Variants in CD200 observed in about 807,000 individuals in gnomAD.
CD200 encodes the protein OX-2 membrane glycoprotein.
In CD200, 15 loss-of-function variants were observed where a neutral mutation model predicts 30.9. The observed-to-expected ratio is 0.49, with a 90% confidence interval of 0.32 to 0.75. The LOEUF (loss-of-function observed/expected upper bound fraction) is 0.75, where lower values mean the gene tolerates loss of function less well. CD200 is among the 30% of genes least tolerant of loss of function. The pLI, the probability that CD200 is intolerant of heterozygous loss-of-function variation, is 0.03. For synonymous variants in CD200, 134 were observed against 126.2 expected, an observed-to-expected ratio of 1.06 and a Z score of -0.41; for missense variants, 262 against 324.2, an observed-to-expected ratio of 0.81 and a Z score of 1.47.
chr3:112,334,054 G>A (rs530136271), intron 1 of CD200: 21 of 985,352 alleles, frequency 2.1e-5, no homozygotes, highest in Admixed American at 6.1e-5. Flanking sequence ...TGATTTCACT[G>A]TCTTTCTTAA....
chr3:112,333,387 C>T lies in CD200; in HGVS notation c.12+163C>T, dbSNP rs988607380. On this transcript the variant is annotated intron_variant, in intron 1 of 5. Coordinates refer to ENST00000315711, the MANE Select transcript of CD200 (RefSeq NM_005944.7). ...TGATGGCAGCGCTTTTCTCTAAGCG[C>T]TTTCTCTTGCTGAGAAACGGATTTT... 9 of 985,314 alleles carry T rather than the reference C, an allele frequency of 9.1e-6. No homozygotes were observed. The East Asian group carries it at 4.5e-4, about 50-fold the overall frequency. The allele number at this position is 985,314 out of a possible 1,614,324, so 61.0% of individuals were successfully genotyped here.
chr3:112,342,384 T>C lies in CD200; in HGVS notation c.94+1401T>C, dbSNP rs1018778293. Among the ~76,000 whole-genome samples the C allele has an allele frequency of 4.6e-3, 245 of 52,712 alleles. 9 individuals are homozygous for C. Among genetic ancestry groups the C allele is most frequent in the East Asian group, 0.025 (37 of 1,494 alleles). 34.6% of individuals were successfully genotyped at this position (52,712 alleles called of 152,430 possible). ...TTCTTTCTTTCTTTCTTTCTTTCTTTCTTTCTTTCTTTCTTTCTTTCTTTC... is the reference window on the plus strand; with the variant it reads ...TTCTTTCTTTCTTTCTTTCTTTCTTCCTTTCTTTCTTTCTTTCTTTCTTTC... On this transcript the variant is annotated intron_variant, in intron 2 of 5. Transcript: ENST00000315711.
At chr3:112,357,411 A>G (rs1051657979) in intron 5 of CD200, among the ~76,000 whole-genome samples, 21 of 152,170 alleles carry the variant, frequency 1.4e-4, no homozygotes, top group Non-Finnish European at 2.5e-4. Context: ...ACCATAGCAA[A>G]TTTCAAGCTA....
intron 1 of CD200, among the ~76,000 whole-genome samples, chr3:112,335,425 A>G (rs1173166046): frequency 1.3e-5 from 2 of 152,236 alleles, no homozygotes; most frequent in South Asian, 2.1e-4. Flanking sequence ...GAATAATAAA[A>G]TATATCTGCA....
chr3:112,338,453 G>A (rs1361944282), intron 1 of CD200, among the ~76,000 whole-genome samples: 2 of 152,114 alleles, frequency 1.3e-5, no homozygotes, highest in South Asian at 4.1e-4. Context: ...AACTAATGTA[G>A]GAAATAGCTT....
intron 5 of CD200, among the ~76,000 whole-genome samples, chr3:112,354,691 C>A (rs944850749): frequency 6.6e-6 from 1 of 152,162 alleles, no homozygotes; most frequent in Non-Finnish European, 1.5e-5. Context: ...ACGCACTTAG[C>A]GGCTTAAAAC....
chr3:112,341,415 A>G (rs1173959205), intron 2 of CD200, among the ~76,000 whole-genome samples: 1 of 152,234 alleles, frequency 6.6e-6, no homozygotes, highest in East Asian at 1.9e-4. Context: ...TAGAAGTTAT[A>G]TAGGCTCATA....
rs1576626921 is a variant in CD200 at position 112,357,507 on chromosome 3, TA to T, written c.803-4034del. Reference sequence around the variant, plus strand: ...AGTTTGTAACAGATGTTCATTTTTGTAATTACTAAATCTAAGGTCCTTTTTC... The same window carrying T: ...AGTTTGTAACAGATGTTCATTTTTGTATTACTAAATCTAAGGTCCTTTTTC... On this transcript the variant is annotated intron_variant, in intron 5 of 5. Coordinates refer to ENST00000315711, the MANE Select transcript of CD200 (RefSeq NM_005944.7). Among the ~76,000 whole-genome samples, 3 of 152,322 alleles carry T rather than the reference TA, an allele frequency of 2.0e-5. No homozygotes were observed. In the East Asian group the frequency reaches 5.8e-4, roughly 29 times the overall value.
chr3:112,334,309 C>T, intron 1 of CD200: 1 of 963,284 alleles, frequency 1.0e-6, no homozygotes, highest in Non-Finnish European at 1.2e-6. Flanking sequence ...TCTGGTAAGA[C>T]CCAGGTTTTT....
intron 1 of CD200, chr3:112,336,045 G>T (rs769188756): frequency 7.1e-7 from 1 of 1,407,510 alleles, no homozygotes; most frequent in Non-Finnish European, 1.0e-6. Flanking sequence ...CCTATGAAGG[G>T]ACTTGGTTAG....
rs549416819 is a variant in CD200, at chr3:112,360,580, A to G, written c.803-963A>G. On this transcript the variant is annotated intron_variant, in intron 5 of 5. Coordinates refer to ENST00000315711, the MANE Select transcript of CD200 (RefSeq NM_005944.7). ...ATTCGTTTTTACTATTGAAATTGAA[A>G]AATATTGAGCCATGTTGGGAGAAGA... is the stretch of plus-strand genomic sequence containing the variant. Among the ~76,000 whole-genome samples, 3 of 152,292 alleles carry G rather than the reference A, an allele frequency of 2.0e-5. No individual in the cohort carries two copies. The East Asian group carries it at 5.8e-4, about 29-fold the overall frequency.
At chr3:112,336,773 G>A (rs1182706413) in intron 1 of CD200, among the ~76,000 whole-genome samples, 7 of 152,070 alleles carry the variant, frequency 4.6e-5, no homozygotes, top group Non-Finnish European at 1.0e-4. Context: ...AGGATTCAGT[G>A]GATATTGAGG....
intron 2 of CD200, among the ~76,000 whole-genome samples, chr3:112,342,031 CT>C (rs200725502): frequency 7.9e-5 from 12 of 151,318 alleles, no homozygotes; most frequent in South Asian, 6.3e-4. Context: ...ACTCAGCCTT[CT>C]TTTTTTTTCT....
At chr3:112,346,083 G>T (rs778404730) in intron 3 of CD200, among the ~76,000 whole-genome samples, 1 of 151,814 alleles carries the variant, frequency 6.6e-6, no homozygotes, top group South Asian at 2.1e-4. Flanking sequence ...GGAAGAAAAG[G>T]CTTAGTAGAT....
intron 4 of CD200, among the ~76,000 whole-genome samples, chr3:112,349,217 C>A (rs59981538): frequency 0.15 from 22,877 of 152,068 alleles, 2,411 homozygotes; most frequent in African/African-American, 0.29. Flanking sequence ...AAGAAATTTA[C>A]CAAAAACTTT....
At position 112,345,916 on chromosome 3, in the gene CD200, C is replaced by T. The variant is rs533623261; in HGVS notation, c.421+628C>T. On this transcript the variant is annotated intron_variant, in intron 3 of 5. Coordinates refer to ENST00000315711, the MANE Select transcript of CD200 (RefSeq NM_005944.7). ...CTTAGTTTGATGAAATTCTTCTTAA[C>T]TGACACACAGCTGAGATGAAAGGTT... Among the ~76,000 whole-genome samples, 12 of 152,268 alleles carry T rather than the reference C, an allele frequency of 7.9e-5. No homozygotes were observed. In the South Asian group the frequency reaches 2.3e-3, roughly 29 times the overall value.
rs77356472 is a variant in CD200, at chr3:112,341,399, G to A, written c.94+416G>A. On this transcript the variant is annotated intron_variant, in intron 2 of 5. Coordinates refer to ENST00000315711, the MANE Select transcript of CD200 (RefSeq NM_005944.7). ...TTTACAGAAAAATGTAGAAAACAACGAAATGTAGAAGTTATATAGGCTCAT... is the reference window on the plus strand; with the variant it reads ...TTTACAGAAAAATGTAGAAAACAACAAAATGTAGAAGTTATATAGGCTCAT... Among the ~76,000 whole-genome samples the A allele has an allele frequency of 1.0e-3, 155 of 152,260 alleles. 2 individuals are homozygous for A. In the East Asian group the frequency reaches 0.017, roughly 16 times the overall value.
At chr3:112,334,381 TC>T (rs2081065888) in intron 1 of CD200, 1 of 279,282 alleles carries the variant, frequency 3.6e-6, no homozygotes. Context: ...GGACTGTAGT[TC>T]CCCCTATATG....
At chr3:112,348,764 AT>A (rs1305045846) in intron 4 of CD200, among the ~76,000 whole-genome samples, 1 of 152,190 alleles carries the variant, frequency 6.6e-6, no homozygotes, top group Non-Finnish European at 1.5e-5. Context: ...ATTTAGGTAA[AT>A]TTGGTCAAAA....
Sources: gnomAD v4.1 joint callset for allele counts (sites outside exome capture counted in the v4.1 genomes callset) on GRCh38, gnomAD v4.1.1 for gene constraint, MANE v1.5 for transcripts, NCBI Gene and HGNC (gene_info 2026-07-23, HGNC 2026-07-21) for gene names.